The following NUSAP1 variants were observed in gnomAD, a reference collection of about 807,000 sequenced individuals.
NUSAP1 encodes nucleolar and spindle-associated protein 1.
A neutral mutation model predicts 52.8 loss-of-function variants in NUSAP1; 32 were observed. The ratio of observed to expected loss-of-function variants is 0.61; its 90% CI spans 0.46 to 0.81. The LOEUF is 0.81. Among genes scored for constraint, NUSAP1 ranks in the 40% least tolerant of loss-of-function variants. The pLI, the probability that NUSAP1 is intolerant of heterozygous loss-of-function variation, is 0.00. For missense variants in NUSAP1, 499 were observed against 522.3 expected (o/e 0.96, Z 0.43); for synonymous variants, 195 against 183.1 (o/e 1.06, Z -0.52).
At chr15:41,348,042 G>T (rs556694953) in intron 2 of NUSAP1, among the ~76,000 whole-genome samples, 12 of 152,136 alleles carry the variant, frequency 7.9e-5, no homozygotes, top group African/African-American at 2.9e-4. Flanking sequence ...AGGGTCAGTT[G>T]AGCTCCAGAA....
intron 1 of NUSAP1, among the ~76,000 whole-genome samples, chr15:41,337,182 G>A (rs1330241966): frequency 6.6e-6 from 1 of 151,688 alleles, no homozygotes; most frequent in Admixed American, 6.6e-5. Flanking sequence ...TGCCTGGCCA[G>A]TGTTTTTTTG....
At chr15:41,363,350 T>TAC (rs1420923706) in intron 6 of NUSAP1, among the ~76,000 whole-genome samples, 1 of 149,382 alleles carries the variant, frequency 6.7e-6, no homozygotes, top group African/African-American at 2.4e-5. Context: ...TATATATATA[T>TAC]ACAATTTTTA....
intron 3 of NUSAP1, among the ~76,000 whole-genome samples, chr15:41,350,556 T>C (rs1264368280): frequency 6.6e-6 from 1 of 152,192 alleles, no homozygotes; most frequent in African/African-American, 2.4e-5. Context: ...CGTTATCTTC[T>C]AACTGTCTTC....
At chr15:41,366,776 T>C (rs1285833284) in intron 7 of NUSAP1, among the ~76,000 whole-genome samples, 3 of 152,190 alleles carry the variant, frequency 2.0e-5, no homozygotes, top group Non-Finnish European at 4.4e-5. Flanking sequence ...TCTTTGAAGG[T>C]GACTTGTTTC....
chr15:41,357,974 CT>C (rs1186437198), intron 5 of NUSAP1, among the ~76,000 whole-genome samples, 174 bp from the exon 6 acceptor site: 1 of 152,086 alleles, frequency 6.6e-6, no homozygotes, highest in Non-Finnish European at 1.5e-5. Context: ...GATGAATGTG[CT>C]TTGCCCCTGA....
At chr15:41,349,647 T>C (rs2048706659) in intron 3 of NUSAP1, among the ~76,000 whole-genome samples, 1 of 152,188 alleles carries the variant, frequency 6.6e-6, no homozygotes, top group African/African-American at 2.4e-5. Flanking sequence ...TGTGATCACA[T>C]GATTAGCAAG....
intron 9 of NUSAP1, among the ~76,000 whole-genome samples, chr15:41,376,629 T>G (rs1424850158): frequency 1.3e-5 from 2 of 151,526 alleles, no homozygotes; most frequent in East Asian, 3.9e-4. Flanking sequence ...AGGTGAAGCT[T>G]GCAGTGAGCC....
At chr15:41,351,569 T>G (rs2048780710) in intron 4 of NUSAP1, among the ~76,000 whole-genome samples, 1 of 152,144 alleles carries the variant, frequency 6.6e-6, no homozygotes, top group Non-Finnish European at 1.5e-5. Flanking sequence ...GAGGATTGCT[T>G]GAGCCTAGGA....
chr15:41,353,384 G>A (rs949682253), intron 4 of NUSAP1, among the ~76,000 whole-genome samples: 14 of 151,884 alleles, frequency 9.2e-5, no homozygotes, highest in African/African-American at 2.2e-4. Flanking sequence ...TCAGGTGATC[G>A]GCCCACTTCG....
chr15:41,341,942 GAACTT>G (rs1477313845), intron 1 of NUSAP1, among the ~76,000 whole-genome samples: 1 of 152,168 alleles, frequency 6.6e-6, no homozygotes, highest in Non-Finnish European at 1.5e-5. Flanking sequence ...CAGCCACACT[GAACTT>G]AAGTTCTTCA....
intron 7 of NUSAP1, among the ~76,000 whole-genome samples, chr15:41,367,859 G>A (rs930637363): frequency 2.6e-5 from 4 of 152,028 alleles, no homozygotes; most frequent in Non-Finnish European, 5.9e-5. Context: ...GGCCCTCCTG[G>A]GCTTCCATTC....
At chr15:41,365,751 C>T (rs1595584192) in intron 7 of NUSAP1, 162 bp downstream of exon 7, 5 of 393,970 alleles carry the variant, frequency 1.3e-5, no homozygotes, top group East Asian at 5.3e-5. Context: ...GATGAGGTCT[C>T]GCTCTGTCGC....
At position 41,375,911 on chromosome 15, in the gene NUSAP1, C is replaced by T. The variant is rs140054320; in HGVS notation, c.1123+83C>T. ...CAGTGGCTCACACCTACTAAACATA[C>T]AAAAATTAGCCAGGCGTGGTGGCAG... On this transcript the variant is annotated intron_variant, in intron 9 of 10. Coordinates refer to ENST00000559596, the MANE Select transcript of NUSAP1 (RefSeq NM_016359.5). 47 of 911,520 alleles carry T rather than the reference C, an allele frequency of 5.2e-5. No homozygotes were observed. In the African/African-American group the frequency reaches 6.9e-4, roughly 13 times the overall value. The allele number at this position is 911,520 out of a possible 1,614,324, so 56.5% of individuals were successfully genotyped here.
intron 2 of NUSAP1, among the ~76,000 whole-genome samples, chr15:41,346,636 G>A (rs1291627014): frequency 1.3e-5 from 2 of 151,466 alleles, no homozygotes; most frequent in Non-Finnish European, 2.9e-5. Context: ...AAACCATCCT[G>A]GCCAAAATGG....
intron 1 of NUSAP1, among the ~76,000 whole-genome samples, chr15:41,340,685 T>C (rs1390543072): frequency 2.0e-5 from 3 of 152,174 alleles, no homozygotes; most frequent in Non-Finnish European, 4.4e-5. Context: ...TAAGAGAGTA[T>C]TAGAAAAATC....
intron 1 of NUSAP1, among the ~76,000 whole-genome samples, chr15:41,339,500 T>A (rs2048299570): frequency 6.7e-6 from 1 of 149,996 alleles, no homozygotes; most frequent in Admixed American, 6.7e-5. Flanking sequence ...AACCTCCACC[T>A]CCTGGATTCA....
At chr15:41,347,312 C>T (rs1054065329) in intron 2 of NUSAP1, among the ~76,000 whole-genome samples, 5 of 152,282 alleles carry the variant, frequency 3.3e-5, no homozygotes, top group South Asian at 2.1e-4. Flanking sequence ...TGCCTGTAAT[C>T]AGTCTACCAG....
chr15:41,336,919 C>G (rs2048173817), intron 1 of NUSAP1, among the ~76,000 whole-genome samples: 1 of 150,988 alleles, frequency 6.6e-6, no homozygotes, highest in Non-Finnish European at 1.5e-5. Context: ...CCTCATAGGT[C>G]ATGGGAAAAT....
At position 41,333,017 on chromosome 15, in the gene NUSAP1, A is replaced by T; in HGVS notation, c.60A>T (p.Leu20Phe). The T allele has an allele frequency of 6.2e-7, 1 of 1,611,970 alleles. No homozygotes were observed. The highest frequency in any genetic ancestry group is 1.7e-5 in the Admixed American group (1 of 59,712). Residue 20 changes from leucine to phenylalanine, a missense_variant, in exon 1 of 11, where the codon TTA becomes TTT. Physicochemically the swap from Leu to Phe is conservative, Grantham distance 22. Transcript: ENST00000559596. ...TCAAGTACAGTGACCTGCAGAACTTAGCCAAGAGTCTGGGTCTCCGGGCCA... is the reference window on the plus strand; with the variant it reads ...TCAAGTACAGTGACCTGCAGAACTTTGCCAAGAGTCTGGGTCTCCGGGCCA... ...DSLKYSDLQNLAKSLGLRANL... is the reference protein window; with the variant it reads ...DSLKYSDLQNFAKSLGLRANL...
Sources: gnomAD v4.1 joint callset for allele counts (sites outside exome capture counted in the v4.1 genomes callset) on GRCh38, gnomAD v4.1.1 for gene constraint, MANE v1.5 for transcripts, NCBI Gene and HGNC (gene_info 2026-07-23, HGNC 2026-07-21) for gene names.